The following ZBTB44 variants were observed in gnomAD, a reference collection of about 807,000 sequenced individuals.
ZBTB44 encodes the protein zinc finger and BTB domain-containing protein 44.
ZBTB44 carries 15 observed loss-of-function variants against 54.0 expected under a neutral mutation model. The observed-to-expected ratio is 0.28, with a 90% CI of 0.19 to 0.43. ZBTB44 has a LOEUF of 0.43. Ranked by LOEUF, ZBTB44 falls within the 20% of genes least tolerant of loss-of-function variation. The pLI, the probability that ZBTB44 is intolerant of heterozygous loss-of-function variation, is 1.00. For synonymous variants in ZBTB44, 230 were observed against 250.1 expected (o/e 0.92, Z 0.76); for missense variants, 487 against 707.1 (o/e 0.69, Z 3.53).
Position 130,230,161 on chromosome 11 carries a change from C to A in ZBTB44, c.*1603G>T, listed in dbSNP as rs557768215. On this transcript the variant is annotated 3_prime_UTR_variant, in exon 8 of 8. Coordinates refer to ENST00000357899, the MANE Select transcript of ZBTB44 (RefSeq NM_001301098.2). ...AAGCTAAAAGGGACTAAAACATAAT[C>A]TGAGAATCTTCAAGAATAAAAGCTG... 10 of 152,094 alleles carry A rather than the reference C, an allele frequency of 6.6e-5. No individual in the cohort carries two copies. The highest frequency in any genetic ancestry group is 2.4e-4 in the African/African-American group (10 of 41,538). The allele number at this position is 152,094 out of a possible 1,614,324, so 9.4% of individuals were successfully genotyped here.
intron 1 of ZBTB44, among the ~76,000 whole-genome samples, chr11:130,277,032 T>A (rs974864429): frequency 6.6e-6 from 1 of 152,246 alleles, no homozygotes; most frequent in Non-Finnish European, 1.5e-5. Flanking sequence ...TTTCTTTGAA[T>A]GACAATTATG....
At chr11:130,250,777 C>G (rs1452498636) in intron 2 of ZBTB44, among the ~76,000 whole-genome samples, 1 of 152,190 alleles carries the variant, frequency 6.6e-6, no homozygotes, top group African/African-American at 2.4e-5. Context: ...CCCATCCAAA[C>G]CCATCCAAAG....
intron 1 of ZBTB44, among the ~76,000 whole-genome samples, chr11:130,282,787 T>A (rs1372306162): frequency 2.0e-5 from 3 of 152,162 alleles, no homozygotes; most frequent in Non-Finnish European, 4.4e-5. Context: ...TGTATTTTAT[T>A]TAGCCACGAC....
chr11:130,234,371 C>T (rs746480766), intron 5 of ZBTB44, 98 bp from the exon 6 acceptor site: 24 of 1,221,700 alleles, frequency 2.0e-5, no homozygotes, highest in Middle Eastern at 2.4e-4. Context: ...AAAATTGGGA[C>T]TCTTCATTTC....
At chr11:130,296,319 C>T (rs1375139701) in intron 1 of ZBTB44, 37 of 1,516,684 alleles carry the variant, frequency 2.4e-5, no homozygotes, top group East Asian at 9.0e-5. Flanking sequence ...TAAGAAGAAC[C>T]GAAAGAAGCT....
intron 1 of ZBTB44, among the ~76,000 whole-genome samples, chr11:130,307,463 C>T (rs1194384371): frequency 4.0e-5 from 6 of 151,584 alleles, no homozygotes; most frequent in South Asian, 4.2e-4. Context: ...TGTTTTATCA[C>T]ATACCTATCC....
Position 130,261,705 on chromosome 11 carries a change from G to A in ZBTB44, c.169C>T (p.Arg57Cys). The A allele has an allele frequency of 1.2e-6, 2 of 1,613,992 alleles. No individual in the cohort carries two copies. The highest frequency in any genetic ancestry group is 1.7e-6 in the Non-Finnish European group (2 of 1,179,892). The change falls in exon 2 of 8, where the codon CGC becomes TGC. Residue 57 changes from arginine to cysteine, a missense_variant. Around this residue, in one of 3 missense-constraint regions of ZBTB44, gnomAD observed 90 missense variants for 160.3 expected, o/e 0.56. Transcript: ENST00000357899. The surrounding 1 kb of genome is among the most constrained non-coding windows in gnomAD (Gnocchi z 4.8). ...TCGGCTTGGCCTACAAGTTTGGTGC[G>A]AAAGAAATCACTGCAAGCTGCTAGT... is the stretch of plus-strand genomic sequence containing the variant. ...VVLAACSDFFRTKLVGQAEDE... is the reference protein window; with the variant it reads ...VVLAACSDFFCTKLVGQAEDE...
At chr11:130,280,335 G>A (rs960585926) in intron 1 of ZBTB44, among the ~76,000 whole-genome samples, 2 of 152,150 alleles carry the variant, frequency 1.3e-5, no homozygotes, top group African/African-American at 4.8e-5. Context: ...AAAGGGGAAA[G>A]GTTGGAAAAG....
At chr11:130,295,661 T>C in intron 1 of ZBTB44, 1 of 1,247,360 alleles carries the variant, frequency 8.0e-7, no homozygotes, top group South Asian at 1.3e-5. Context: ...CCAACATGAC[T>C]GAAATTCAGC....
intron 1 of ZBTB44, among the ~76,000 whole-genome samples, chr11:130,291,876 C>A (rs981885974): frequency 1.3e-5 from 2 of 152,208 alleles, no homozygotes; most frequent in African/African-American, 4.8e-5. Context: ...ATATATATCA[C>A]CACCACAATC....
At chr11:130,269,347 G>A (rs958575973) in intron 1 of ZBTB44, among the ~76,000 whole-genome samples, 1 of 151,800 alleles carries the variant, frequency 6.6e-6, no homozygotes, top group Non-Finnish European at 1.5e-5. Context: ...TATATGTGTA[G>A]TTATAAGTTT....
intron 1 of ZBTB44, among the ~76,000 whole-genome samples, chr11:130,282,015 C>A (rs1238376273): frequency 3.3e-5 from 5 of 152,192 alleles, no homozygotes; most frequent in Non-Finnish European, 1.5e-5. Flanking sequence ...CATGCCACCA[C>A]ACTCCAGCCT....
intron 1 of ZBTB44, among the ~76,000 whole-genome samples, chr11:130,277,492 C>A (rs760727814): frequency 6.6e-6 from 1 of 150,416 alleles, no homozygotes; most frequent in Non-Finnish European, 1.5e-5. Context: ...GTAGTCATTT[C>A]CTTAGCCCAA....
chr11:130,255,121 G>A (rs1013878841), intron 2 of ZBTB44, among the ~76,000 whole-genome samples: 31 of 152,124 alleles, frequency 2.0e-4, no homozygotes, highest in African/African-American at 7.2e-4. Flanking sequence ...TATACCTAAT[G>A]TAAATGACGA....
Position 130,261,528 on chromosome 11 carries a change from C to T in ZBTB44, c.346G>A (p.Val116Ile). ...ATGAACTCTGAGCAGGTGCTGGCAA[C>T]ACTGAACATTTGCATATAGCTGGCT... is the stretch of plus-strand genomic sequence containing the variant. ...AAASYMQMFS[V>I]ASTCSEFMKS... Residue 116 changes from valine to isoleucine, a missense_variant, in exon 2 of 8, where the codon GTT becomes ATT. By Grantham distance (29) the Val-to-Ile change is conservative. Coordinates refer to ENST00000357899, the MANE Select transcript of ZBTB44 (RefSeq NM_001301098.2). This position sits in a 1 kb window ranked among gnomAD's most constrained non-coding sequence, Gnocchi z 4.8. 1 of 1,613,998 alleles carries T rather than the reference C, an allele frequency of 6.2e-7. No homozygotes were observed.
chr11:130,275,457 G>A (rs562238799), intron 1 of ZBTB44, among the ~76,000 whole-genome samples: 13 of 151,266 alleles, frequency 8.6e-5, no homozygotes, highest in Non-Finnish European at 1.9e-4. Context: ...GAGATTAAAG[G>A]AGTGGGCTAC....
In ZBTB44 at chr11:130,281,046, A is replaced by G. The variant is rs924872496; in HGVS notation, c.-56-19117T>C. ...ACACAACACACTTCTAACAATCCAT[A>G]AATCAAAAGGCAAGACACAAGGGAA... On this transcript the variant is annotated intron_variant, in intron 1 of 7. Coordinates refer to ENST00000357899, the MANE Select transcript of ZBTB44 (RefSeq NM_001301098.2). Among the ~76,000 whole-genome samples, 3 of 152,178 alleles carry G rather than the reference A, an allele frequency of 2.0e-5. 1 individual carries two copies. The highest frequency in any genetic ancestry group is 2.0e-4 in the Admixed American group (3 of 15,284).
At chr11:130,278,738 A>AT (rs1324355915) in intron 1 of ZBTB44, among the ~76,000 whole-genome samples, 2 of 151,882 alleles carry the variant, frequency 1.3e-5, no homozygotes, top group African/African-American at 2.4e-5. Context: ...TCGGTTAATT[A>AT]TTTTTTTCAA....
chr11:130,302,139 C>T (rs559572399), intron 1 of ZBTB44, among the ~76,000 whole-genome samples: 6 of 151,940 alleles, frequency 3.9e-5, no homozygotes, highest in South Asian at 4.2e-4. Flanking sequence ...GTTCTAAGTA[C>T]GCTTTACATA....
Sources: gnomAD v4.1 joint callset for allele counts (sites outside exome capture counted in the v4.1 genomes callset) on GRCh38, gnomAD v4.1.1 for gene constraint, gnomAD v4.1.1 regional missense constraint, Gnocchi (gnomAD v3.1) non-coding constraint, MANE v1.5 for transcripts, NCBI Gene and HGNC (gene_info 2026-07-23, HGNC 2026-07-21) for gene names.